IGF1R: variants seen among roughly 807,000 people sequenced by gnomAD.
IGF1R encodes insulin-like growth factor 1 receptor.
IGF1R carries 44 observed loss-of-function variants against 144.6 expected under a neutral mutation model. That is an observed-to-expected ratio of 0.30 (90% CI 0.24 to 0.39). The LOEUF (loss-of-function observed/expected upper bound fraction) is 0.39, where lower values mean the gene tolerates loss of function less well. Ranked by LOEUF, IGF1R falls within the 10% of genes least tolerant of loss-of-function variation. The probability of loss-of-function intolerance (pLI) is 1.00; values close to 1 mark genes in which losing one functional copy is unlikely to be tolerated. For missense variants in IGF1R, 1,355 were observed against 1,833.7 expected, an observed-to-expected ratio of 0.74 and a Z score of 4.77; for synonymous variants, 795 against 722.8, an observed-to-expected ratio of 1.10 and a Z score of -1.60.
intron 2 of IGF1R, among the ~76,000 whole-genome samples, chr15:98,722,938 T>C (rs879880292): frequency 2.0e-5 from 3 of 151,988 alleles, no homozygotes; most frequent in Non-Finnish European, 2.9e-5. Flanking sequence ...GGTGGGATTC[T>C]TCCTCTTGAA....
At chr15:98,694,479 C>T (rs2053551798) in intron 1 of IGF1R, among the ~76,000 whole-genome samples, 1 of 151,976 alleles carries the variant, frequency 6.6e-6, no homozygotes, top group African/African-American at 2.4e-5. Flanking sequence ...GGCCACCTGA[C>T]TTTCCCCATT....
intron 20 of IGF1R, among the ~76,000 whole-genome samples, chr15:98,953,803 C>T (rs938013094): frequency 6.6e-6 from 1 of 152,126 alleles, no homozygotes; most frequent in African/African-American, 2.4e-5. Context: ...TTGTAGTTTT[C>T]CAGTACAGTT....
intron 2 of IGF1R, among the ~76,000 whole-genome samples, chr15:98,830,805 T>C (rs1175449519): frequency 6.6e-6 from 1 of 152,162 alleles, no homozygotes; most frequent in Non-Finnish European, 1.5e-5. Context: ...GGTTTTGCCA[T>C]GTTGGCCAGG....
At chr15:98,849,361 T>C (rs1434991859) in intron 2 of IGF1R, among the ~76,000 whole-genome samples, 1 of 152,222 alleles carries the variant, frequency 6.6e-6, no homozygotes, top group Non-Finnish European at 1.5e-5. Context: ...TTCTTTTCTC[T>C]GGAAAAGAAA....
At chr15:98,747,415 C>T (rs1036148047) in intron 2 of IGF1R, among the ~76,000 whole-genome samples, 1 of 152,144 alleles carries the variant, frequency 6.6e-6, no homozygotes, top group African/African-American at 2.4e-5. Flanking sequence ...CCTGGCTGGT[C>T]TCGAACTCCT....
intron 1 of IGF1R, among the ~76,000 whole-genome samples, chr15:98,692,293 G>A (rs1179146488): frequency 1.3e-5 from 2 of 152,162 alleles, no homozygotes; most frequent in African/African-American, 2.4e-5. Flanking sequence ...AGCCGAGATC[G>A]TGCCACTGCC....
chr15:98,837,481 C>T (rs573632380), intron 2 of IGF1R, among the ~76,000 whole-genome samples: 2 of 152,266 alleles, frequency 1.3e-5, no homozygotes, highest in East Asian at 3.9e-4. Flanking sequence ...CCGCCCACCT[C>T]GGCCTCCCAG....
intron 2 of IGF1R, among the ~76,000 whole-genome samples, chr15:98,805,518 G>A (rs2056452467): frequency 6.6e-6 from 1 of 152,086 alleles, no homozygotes; most frequent in Non-Finnish European, 1.5e-5. Context: ...GTGTGTGTGT[G>A]TGTGATTCAG....
At chr15:98,675,984 C>T (rs914855832) in intron 1 of IGF1R, among the ~76,000 whole-genome samples, 4 of 151,880 alleles carry the variant, frequency 2.6e-5, no homozygotes, top group Admixed American at 2.0e-4. Flanking sequence ...CGCCACCACG[C>T]CTGGCTATTT....
In IGF1R at chr15:98,957,657, C is replaced by G. The variant is rs1030057900; in HGVS notation, c.*215C>G. ...TGCAAGCAGCTTTTTATTCCCTGCC[C>G]AAACCCTTAACTGACATGGGCCTTT... On this transcript the variant is annotated 3_prime_UTR_variant, in exon 21 of 21. Transcript: ENST00000650285. 8.1e-6 allele frequency: 5 copies of G among 620,962 alleles called. No individual in the cohort carries two copies. Among genetic ancestry groups the G allele is most frequent in the Non-Finnish European group, 1.4e-5 (5 of 352,928 alleles). The allele number at this position is 620,962 out of a possible 1,614,324, so 38.5% of individuals were successfully genotyped here.
intron 20 of IGF1R, 58 bp downstream of exon 20, chr15:98,948,766 T>C: frequency 1.3e-6 from 2 of 1,586,466 alleles, no homozygotes; most frequent in Non-Finnish European, 1.7e-6. Context: ...ATACCTGTTT[T>C]CTTGGGTCAC....
chr15:98,948,660 T>C lies in IGF1R; in HGVS notation c.3674T>C (p.Val1225Ala), dbSNP rs1188113383. The C allele has an allele frequency of 1.9e-6, 3 of 1,614,184 alleles. No homozygotes were observed. The highest frequency in any genetic ancestry group is 8.5e-7 in the Non-Finnish European group (1 of 1,180,022). ...TCCAACGAGCAAGTCCTTCGCTTCG[T>C]CATGGAGGGCGGCCTTCTGGACAAG... is the stretch of plus-strand genomic sequence containing the variant. Reference protein sequence around the residue: ...GLSNEQVLRFVMEGGLLDKPD... With the variant: ...GLSNEQVLRFAMEGGLLDKPD... Residue 1225 changes from valine to alanine, a missense_variant, in exon 20 of 21, where the codon GTC (valine) becomes GCC (alanine). Coordinates refer to ENST00000650285, the MANE Select transcript of IGF1R (RefSeq NM_000875.5).
chr15:98,957,195 A>G lies in IGF1R; in HGVS notation c.3857A>G (p.Lys1286Arg), dbSNP rs1293053635. 6.2e-7 allele frequency: 1 copy of G among 1,614,094 alleles called. No homozygotes were observed. Among genetic ancestry groups the G allele is most frequent in the African/African-American group, 1.3e-5 (1 of 74,932 alleles). The change falls in exon 21 of 21, where the codon AAG becomes AGG. Residue 1286 changes from lysine to arginine, a missense_variant. Around this residue, in one of 7 missense-constraint regions of IGF1R, gnomAD observed 219 missense variants for 188.8 expected, o/e 1.16. Transcript: ENST00000650285. ...EVSFYYSEEN[K>R]LPEPEELDLE... ...TCCTTCTACTACAGCGAGGAGAACA[A>G]GCTGCCCGAGCCGGAGGAGCTGGAC...
rs543568864 is a variant in IGF1R at position 98,659,577 on chromosome 15, G to A, written c.94+9902G>A. Among the ~76,000 whole-genome samples, 7 of 152,278 alleles carry A rather than the reference G, an allele frequency of 4.6e-5. No homozygotes were observed. The East Asian group carries it at 1.4e-3, about 29-fold the overall frequency. ...CACTGGGCTACAGTTTTGGATTAAGGTTACTCTACTGTGTCAGTGCGAGCT... is the reference window on the plus strand; with the variant it reads ...CACTGGGCTACAGTTTTGGATTAAGATTACTCTACTGTGTCAGTGCGAGCT... On this transcript the variant is annotated intron_variant, in intron 1 of 20. Coordinates refer to ENST00000650285, the MANE Select transcript of IGF1R (RefSeq NM_000875.5).
chr15:98,845,441 T>G (rs1405682391), intron 2 of IGF1R, among the ~76,000 whole-genome samples: 1 of 74,810 alleles, frequency 1.3e-5, no homozygotes, highest in African/African-American at 5.4e-5. Flanking sequence ...CCCTCCCTCC[T>G]CCTCCTCCCC....
chr15:98,940,892 G>A (rs1044429041), intron 18 of IGF1R, among the ~76,000 whole-genome samples: 5 of 152,208 alleles, frequency 3.3e-5, no homozygotes, highest in African/African-American at 1.2e-4. Flanking sequence ...TGTGAAGCTG[G>A]GCAGCCCTCA....
At chr15:98,916,207 A>G in intron 9 of IGF1R, 76 bp downstream of exon 9, 2 of 1,365,130 alleles carry the variant, frequency 1.5e-6, no homozygotes, top group Non-Finnish European at 2.1e-6. Flanking sequence ...GAGCCCTAAT[A>G]TTACACGTAT....
chr15:98,905,795 T>C (rs2014703998), intron 5 of IGF1R, among the ~76,000 whole-genome samples: 1 of 152,130 alleles, frequency 6.6e-6, no homozygotes. Context: ...CAGGAAACAA[T>C]GATAACTTTA....
chr15:98,732,222 G>C, intron 2 of IGF1R, among the ~76,000 whole-genome samples: 1 of 152,204 alleles, frequency 6.6e-6, no homozygotes, highest in East Asian at 1.9e-4. Flanking sequence ...TGGTGTGGAG[G>C]GGGCAGGGGA....
Sources: gnomAD v4.1 joint callset for allele counts (sites outside exome capture counted in the v4.1 genomes callset) on GRCh38, gnomAD v4.1.1 for gene constraint, gnomAD v4.1.1 regional missense constraint, MANE v1.5 for transcripts, NCBI Gene and HGNC (gene_info 2026-07-23, HGNC 2026-07-21) for gene names.